PRPF40B: variants seen among roughly 807,000 people sequenced by gnomAD.
The protein encoded by PRPF40B is pre-mRNA processing factor 40B.
In PRPF40B, 56 loss-of-function variants were observed where a neutral mutation model predicts 124.5. That is an observed-to-expected ratio of 0.45 (90% CI 0.36 to 0.56). The LOEUF (loss-of-function observed/expected upper bound fraction) is 0.56, where lower values mean the gene tolerates loss of function less well. PRPF40B is among the 20% of genes least tolerant of loss of function. PRPF40B has a pLI of 0.00. For synonymous variants in PRPF40B, 443 were observed against 426.4 expected (o/e 1.04, Z -0.48); for missense variants, 1,053 against 1,169.5 (o/e 0.90, Z 1.45).
At position 49,633,538 on chromosome 12, in the gene PRPF40B, G is replaced by T; in HGVS notation, c.571G>T (p.Asp191Tyr). The T allele has an allele frequency of 6.2e-7, 1 of 1,614,230 alleles. No individual in the cohort carries two copies. The highest frequency in any genetic ancestry group is 1.1e-5 in the South Asian group (1 of 91,074). ...SRWTRPKDLD[D>Y]LEVLVKQEAA... ...CTGGACCCGGCCCAAGGATCTGGAT[G>T]ACCTAGAGGGTGAGATGTCCTACGG... Residue 191 changes from aspartate to tyrosine, a missense_variant, in exon 8 of 26, where the codon GAC becomes TAC. Asp to Tyr is a radical substitution (Grantham distance 160). This residue lies in a region of PRPF40B where 895 missense variants were observed against 1,052.2 expected (regional missense o/e 0.85). Coordinates refer to ENST00000548825, the MANE Select transcript of PRPF40B (RefSeq NM_001031698.3).
chr12:49,643,826 C>T (rs1942993537), intron 24 of PRPF40B, 35 bp from the exon 25 acceptor site: 1 of 1,614,044 alleles, frequency 6.2e-7, no homozygotes, highest in Non-Finnish European at 8.5e-7. Flanking sequence ...AGGCTATCCA[C>T]AGGAACTGAG....
chr12:49,625,095 C>T (rs1186564394), intron 1 of PRPF40B, among the ~76,000 whole-genome samples: 2 of 152,030 alleles, frequency 1.3e-5, no homozygotes, highest in African/African-American at 4.8e-5. Context: ...CCTTCATCTT[C>T]AGGAAGTGGG....
At chr12:49,624,993 G>A (rs1172155492) in intron 1 of PRPF40B, among the ~76,000 whole-genome samples, 2 of 152,204 alleles carry the variant, frequency 1.3e-5, no homozygotes, top group African/African-American at 4.8e-5. Flanking sequence ...GGCAGCTGAA[G>A]AAGGGCCGCA....
chr12:49,630,594 C>T lies in PRPF40B; in HGVS notation c.53C>T (p.Pro18Leu), dbSNP rs1228948320. 2 of 1,369,788 alleles carry T rather than the reference C, an allele frequency of 1.5e-6. No individual in the cohort carries two copies. Among genetic ancestry groups the T allele is most frequent in the South Asian group, 1.2e-5 (1 of 84,600 alleles). The allele number at this position is 1,369,788 out of a possible 1,614,324, so 84.9% of individuals were successfully genotyped here. The change falls in exon 2 of 26, where the codon CCA becomes CTA. Residue 18 changes from proline to leucine, a missense_variant. Physicochemically the swap from Pro to Leu is moderately conservative, Grantham distance 98 (BLOSUM62 -3). Coordinates refer to ENST00000548825, the MANE Select transcript of PRPF40B (RefSeq NM_001031698.3). ...PRPPAAPAPF[P>L]PGPPMMPPPF... ...CCCCCAGCAGCGCCTGCCCCCTTCC[C>T]ACCGGGGCCCCCCATGATGCCACCA...
intron 1 of PRPF40B, among the ~76,000 whole-genome samples, chr12:49,625,347 G>T (rs1940611634): frequency 6.6e-6 from 1 of 152,188 alleles, no homozygotes; most frequent in South Asian, 2.1e-4. Flanking sequence ...CCTTGGTCAG[G>T]TTACTTAATC....
intron 1 of PRPF40B, among the ~76,000 whole-genome samples, chr12:49,628,603 G>T (rs1427280360): frequency 1.4e-5 from 2 of 137,940 alleles, no homozygotes; most frequent in South Asian, 2.3e-4. Context: ...TCGCTCTGTC[G>T]CCCAGGCTGG....
At chr12:49,632,936 A>T in intron 6 of PRPF40B, 56 bp downstream of exon 6, 1 of 1,611,464 alleles carries the variant, frequency 6.2e-7, no homozygotes, top group Non-Finnish European at 8.5e-7. Context: ...TGGGGGACTG[A>T]TAGTTAAATC....
rs930763888 is a variant in PRPF40B at position 49,644,616 on chromosome 12, T to C, written c.*424T>C. The C allele has an allele frequency of 1.0e-5, 2 of 198,372 alleles. No individual in the cohort carries two copies. Among genetic ancestry groups the C allele is most frequent in the Admixed American group, 5.3e-5 (1 of 19,036 alleles). The allele number at this position is 198,372 out of a possible 1,614,324, so 12.3% of individuals were successfully genotyped here. ...ACTTCTTCCTCCACCCAGGACCTAA[T>C]GTACGTGTGTTTTGTTTTTTGTTTT... On this transcript the variant is annotated 3_prime_UTR_variant, in exon 26 of 26. Coordinates refer to ENST00000548825, the MANE Select transcript of PRPF40B (RefSeq NM_001031698.3).
chr12:49,632,996 G>GGGC lies in PRPF40B; in HGVS notation c.349-18_349-17insGGC. On this transcript the variant is annotated splice_polypyrimidine_tract_variant and intron_variant, in intron 6 of 25. Transcript: ENST00000548825. The stretch of plus-strand genomic sequence containing the variant: ...AAAGGGGCCTTGACCACCATTCTGT[G>GGGC]CCCCCCCCCCCACCCAGAGGGCCCT... The GGGC allele has an allele frequency of 4.4e-6, 5 of 1,147,398 alleles. No homozygotes were observed. The highest frequency in any genetic ancestry group is 1.4e-5 in the South Asian group (1 of 70,348). The allele number at this position is 1,147,398 out of a possible 1,614,324, so 71.1% of individuals were successfully genotyped here.
Position 49,635,071 on chromosome 12 carries a change from C to A in PRPF40B, c.1002-28C>A. 1 of 1,596,710 alleles carries A rather than the reference C, an allele frequency of 6.3e-7. No homozygotes were observed. Reference sequence around the variant, plus strand: ...GAGTGGTTCGGGTGACTTCTCTATCCCCACCCCACTCCTACCCTCTATCCC... The same window carrying A: ...GAGTGGTTCGGGTGACTTCTCTATCACCACCCCACTCCTACCCTCTATCCC... On this transcript the variant is annotated intron_variant, in intron 12 of 25. Coordinates refer to ENST00000548825, the MANE Select transcript of PRPF40B (RefSeq NM_001031698.3). This position sits in a 1 kb window ranked among gnomAD's most constrained non-coding sequence, Gnocchi z 4.1.
At position 49,635,137 on chromosome 12, in the gene PRPF40B, A is replaced by G. The variant is rs1284458742; in HGVS notation, c.1040A>G (p.Asn347Ser). The G allele has an allele frequency of 6.2e-7, 1 of 1,613,780 alleles. No individual in the cohort carries two copies. The highest frequency in any genetic ancestry group is 1.3e-5 in the African/African-American group (1 of 74,914). The stretch of plus-strand genomic sequence containing the variant: ...CTGAGTGAGAAAAAGCAGGCATTCA[A>G]TGCCTACAAGGCGCAGCGGGAGAAG... ...PKLSEKKQAFNAYKAQREKEE... is the reference protein window; with the variant it reads ...PKLSEKKQAFSAYKAQREKEE... The change falls in exon 13 of 26, where the codon AAT (asparagine) becomes AGT (serine). Residue 347 changes from asparagine to serine, a missense_variant. Around this residue, in one of 2 missense-constraint regions of PRPF40B, gnomAD observed 895 missense variants for 1,052.2 expected, o/e 0.85. Transcript: ENST00000548825. This position sits in a 1 kb window ranked among gnomAD's most constrained non-coding sequence, Gnocchi z 4.1.
chr12:49,635,499 C>T lies in PRPF40B; in HGVS notation c.1275+26C>T, dbSNP rs373915642. On this transcript the variant is annotated intron_variant, in intron 14 of 25. Coordinates refer to ENST00000548825, the MANE Select transcript of PRPF40B (RefSeq NM_001031698.3). This position sits in a 1 kb window ranked among gnomAD's most constrained non-coding sequence, Gnocchi z 4.1. Reference sequence around the variant, plus strand: ...GTAATGGTCCCTGGGCAGAATCCTTCAGCCCATCTCATCCTGGACTTTCCT... The same window carrying T: ...GTAATGGTCCCTGGGCAGAATCCTTTAGCCCATCTCATCCTGGACTTTCCT... 1.3e-6 allele frequency: 2 copies of T among 1,588,198 alleles called. No individual in the cohort carries two copies. The highest frequency in any genetic ancestry group is 1.4e-5 in the African/African-American group (1 of 74,038).
At chr12:49,641,802 T>C (rs1264732994) in intron 18 of PRPF40B, 106 bp from the exon 19 acceptor site, 2 of 896,048 alleles carry the variant, frequency 2.2e-6, no homozygotes, top group East Asian at 4.9e-5. Context: ...GTGGATCTCT[T>C]CCAGAGGCAA....
chr12:49,624,358 G>C (rs1940503317), intron 1 of PRPF40B, among the ~76,000 whole-genome samples: 2 of 152,178 alleles, frequency 1.3e-5, no homozygotes, highest in Non-Finnish European at 2.9e-5. Context: ...CCTTGGGCTG[G>C]GGCTGGAGAA....
upstream of PRPF40B, among the ~76,000 whole-genome samples, chr12:49,623,191 C>T (rs1403371499): frequency 6.6e-6 from 1 of 152,058 alleles, no homozygotes; most frequent in African/African-American, 2.4e-5. Flanking sequence ...AAATTAAATT[C>T]GCTGTGCAGC....
intron 1 of PRPF40B, among the ~76,000 whole-genome samples, chr12:49,630,271 T>A (rs552497420): frequency 6.6e-6 from 1 of 152,326 alleles, no homozygotes; most frequent in East Asian, 1.9e-4. Flanking sequence ...CTCCTTCATC[T>A]TTTCTGTTGC....
intron 2 of PRPF40B, among the ~76,000 whole-genome samples, 178 bp downstream of exon 2, chr12:49,630,803 G>T (rs893811280): frequency 3.9e-5 from 6 of 152,120 alleles, no homozygotes; most frequent in African/African-American, 1.4e-4. Flanking sequence ...GAAGCCCTCA[G>T]TACATAACAT....
intron 4 of PRPF40B, chr12:49,632,345 A>G: frequency 1.7e-6 from 1 of 571,578 alleles, no homozygotes; most frequent in South Asian, 2.4e-5. Context: ...CTGTGAAGGA[A>G]TGAGCCTCGG....
Position 49,635,070 on chromosome 12 carries a change from C to A in PRPF40B, c.1002-29C>A, listed in dbSNP as rs776830424. ...AGAGTGGTTCGGGTGACTTCTCTAT[C>A]CCCACCCCACTCCTACCCTCTATCC... On this transcript the variant is annotated intron_variant, in intron 12 of 25. Transcript: ENST00000548825. The surrounding 1 kb of genome is among the most constrained non-coding windows in gnomAD (Gnocchi z 4.1). The A allele has an allele frequency of 1.3e-6, 2 of 1,595,238 alleles. No individual in the cohort carries two copies. The highest frequency in any genetic ancestry group is 2.7e-5 in the African/African-American group (2 of 74,226).
Sources: allele counts gnomAD v4.1 joint callset (sites outside exome capture counted in the v4.1 genomes callset), GRCh38; gene constraint gnomAD v4.1.1; regional missense constraint gnomAD v4.1.1; non-coding constraint Gnocchi (gnomAD v3.1); transcripts MANE v1.5; gene names NCBI Gene and HGNC (gene_info 2026-07-23, HGNC 2026-07-21).